The following VDAC2 variants were observed in gnomAD, a reference collection of about 807,000 sequenced individuals.
VDAC2 encodes voltage dependent anion channel 2.
A neutral mutation model predicts 36.6 loss-of-function variants in VDAC2; 6 were observed. The ratio of observed to expected loss-of-function variants is 0.16; its 90% confidence interval spans 0.09 to 0.32. The LOEUF (loss-of-function observed/expected upper bound fraction) is 0.32, where lower values mean the gene tolerates loss of function less well. Ranked by LOEUF, VDAC2 falls within the 10% of genes least tolerant of loss-of-function variation. VDAC2 has a pLI of 1.00. For synonymous variants in VDAC2, 109 were observed against 123.8 expected (o/e 0.88, Z 0.79); for missense variants, 247 against 346.0 (o/e 0.71, Z 2.27).
intron 9 of VDAC2, among the ~76,000 whole-genome samples, chr10:75,230,111 T>C (rs755164651): frequency 3.9e-5 from 6 of 152,226 alleles, no homozygotes; most frequent in Non-Finnish European, 8.8e-5. Flanking sequence ...CTTTATATAA[T>C]ATTTTGAAGC....
intron 8 of VDAC2, 130 bp from the exon 9 acceptor site, chr10:75,229,514 C>T: frequency 1.5e-6 from 1 of 672,574 alleles, no homozygotes; most frequent in South Asian, 2.3e-5. Context: ...TGGCTTAATA[C>T]ATAATATTGA....
At chr10:75,214,817 G>T (rs1284927099) in intron 4 of VDAC2, among the ~76,000 whole-genome samples, 3 of 152,160 alleles carry the variant, frequency 2.0e-5, no homozygotes, top group African/African-American at 7.2e-5. Context: ...GAGTCACCAT[G>T]CCCAGCCAAG....
At chr10:75,217,236 G>A (rs150307151) in intron 4 of VDAC2, among the ~76,000 whole-genome samples, 4 of 152,262 alleles carry the variant, frequency 2.6e-5, no homozygotes, top group East Asian at 1.9e-4. Flanking sequence ...CAACCTGGGC[G>A]ACAGAGTGAG....
At position 75,220,977 on chromosome 10, in the gene VDAC2, A is replaced by G. The variant is rs879310958; in HGVS notation, c.584+7A>G. On this transcript the variant is annotated splice_region_variant and intron_variant, in intron 7 of 9. Transcript: ENST00000332211. ...TCCAGCTACACACTAATGTGTAAGTATTTCTTTCATAGGATACTGTGATGT... is the reference window on the plus strand; with the variant it reads ...TCCAGCTACACACTAATGTGTAAGTGTTTCTTTCATAGGATACTGTGATGT... 1.7e-5 allele frequency: 27 copies of G among 1,609,718 alleles called. No individual in the cohort carries two copies. Among genetic ancestry groups the G allele is most frequent in the East Asian group, 2.2e-5 (1 of 44,802 alleles).
intron 8 of VDAC2, among the ~76,000 whole-genome samples, chr10:75,223,067 G>A (rs986337453): frequency 1.1e-4 from 16 of 149,076 alleles, no homozygotes; most frequent in Middle Eastern, 3.5e-3. Context: ...TGCAACCTCC[G>A]CCTCCTGGGT....
Position 75,224,047 on chromosome 10 carries a change from A to C in VDAC2, c.735+1645A>C, listed in dbSNP as rs4746276. Among the ~76,000 whole-genome samples the C allele has an allele frequency of 1.1e-3, 174 of 152,318 alleles. No homozygotes were observed. The East Asian group carries it at 0.012, about 11-fold the overall frequency. ...TTTCTTGAGTTCTGTGACCTGCTCT[A>C]GGAGATTAATTGAACCCAAGAAGGG... On this transcript the variant is annotated intron_variant, in intron 8 of 9. Coordinates refer to ENST00000332211, the MANE Select transcript of VDAC2 (RefSeq NM_001391963.1).
At chr10:75,216,646 C>G (rs1841614505) in intron 4 of VDAC2, among the ~76,000 whole-genome samples, 1 of 152,172 alleles carries the variant, frequency 6.6e-6, no homozygotes, top group Admixed American at 6.5e-5. Context: ...TGGCCCAACT[C>G]TGGTCCCACA....
intron 5 of VDAC2, 22 bp downstream of exon 5, chr10:75,219,237 TATTA>T (rs1167649758): frequency 1.2e-5 from 19 of 1,552,270 alleles, no homozygotes; most frequent in Middle Eastern, 4.2e-4. Flanking sequence ...AAAATTTTAG[TATTA>T]ATTTTATTAA....
Position 75,214,152 on chromosome 10 carries a change from C to G in VDAC2, c.150+82C>G, listed in dbSNP as rs1444372568. The G allele has an allele frequency of 7.0e-6, 10 of 1,427,118 alleles. No individual in the cohort carries two copies. In the East Asian group the frequency reaches 1.9e-4, roughly 27 times the overall value. 88.4% of individuals were successfully genotyped at this position (1,427,118 alleles called of 1,614,324 possible). On this transcript the variant is annotated intron_variant, in intron 4 of 9. Coordinates refer to ENST00000332211, the MANE Select transcript of VDAC2 (RefSeq NM_001391963.1). ...AATGGTCATAACTGAAAGATGTCTA[C>G]CTGTTTTGTCTTAAAGAAGAGGCAG...
chr10:75,220,956 G>C lies in VDAC2; in HGVS notation c.570G>C (p.Gln190His). The change falls in exon 7 of 10, where the codon CAG (glutamine) becomes CAC (histidine). Residue 190 changes from glutamine (Q) to histidine (H), a missense_variant. This residue lies in a region of VDAC2 where 159 missense variants were observed against 234.0 expected (regional missense o/e 0.68). Transcript: ENST00000332211. The stretch of plus-strand genomic sequence containing the variant: ...TGGGCTACAGGACTGGGGACTTCCA[G>C]CTACACACTAATGTGTAAGTATTTC... ...FAVGYRTGDF[Q>H]LHTNVNDGTE... The C allele has an allele frequency of 6.2e-7, 1 of 1,612,570 alleles. No individual in the cohort carries two copies.
At chr10:75,213,020 T>C (rs1841477011) in intron 3 of VDAC2, among the ~76,000 whole-genome samples, 1 of 152,206 alleles carries the variant, frequency 6.6e-6, no homozygotes, top group Non-Finnish European at 1.5e-5. Context: ...TTATTTAGAC[T>C]GTTGGAAATA....
chr10:75,211,384 G>T (rs1564707891), intron 2 of VDAC2, 195 bp downstream of exon 2: 8 of 1,404,540 alleles, frequency 5.7e-6, no homozygotes, highest in Non-Finnish European at 5.7e-6. Flanking sequence ...AACAAGGCCC[G>T]GGGAGTTGGT....
rs1348913418 is a variant in VDAC2, at chr10:75,230,851, C to T, written c.794-47C>T. On this transcript the variant is annotated intron_variant, in intron 9 of 9. Coordinates refer to ENST00000332211, the MANE Select transcript of VDAC2 (RefSeq NM_001391963.1). ...AAGAAGGCCCAGACTGAGTGACGTGCCAGGTACATCACGGTTTTTTGTTTT... is the reference window on the plus strand; with the variant it reads ...AAGAAGGCCCAGACTGAGTGACGTGTCAGGTACATCACGGTTTTTTGTTTT... 2.0e-6 allele frequency: 3 copies of T among 1,529,292 alleles called. No individual in the cohort carries two copies. In the South Asian group the frequency reaches 3.5e-5, roughly 18 times the overall value. 94.7% of individuals were successfully genotyped at this position (1,529,292 alleles called of 1,614,324 possible).
chr10:75,210,391 C>T (rs1413192752), upstream of VDAC2, among the ~76,000 whole-genome samples: 4 of 152,104 alleles, frequency 2.6e-5, no homozygotes, highest in Non-Finnish European at 4.4e-5. Flanking sequence ...GGCTTTGTTT[C>T]GGGGGGGAAC....
At chr10:75,210,729 A>G (rs1841378398), upstream of VDAC2, 1 of 160,028 alleles carries the variant, frequency 6.2e-6, no homozygotes, top group South Asian at 2.0e-4. Flanking sequence ...TGGAGTTGGC[A>G]GCGGGCTGCG....
At chr10:75,222,996 CTTTTT>C (rs1183792566) in intron 8 of VDAC2, among the ~76,000 whole-genome samples, 1 of 93,610 alleles carries the variant, frequency 1.1e-5, no homozygotes, top group Non-Finnish European at 2.3e-5. Flanking sequence ...TTTTTTTTTT[CTTTTT>C]TGAGATGGAG....
chr10:75,210,791 C>T (rs1369612448), upstream of VDAC2: 4 of 200,432 alleles, frequency 2.0e-5, 1 homozygote, highest in South Asian at 4.7e-4. Context: ...GGGGTCCTGT[C>T]TGGGAGAGGA....
At chr10:75,216,113 G>A (rs1417037302) in intron 4 of VDAC2, among the ~76,000 whole-genome samples, 1 of 151,972 alleles carries the variant, frequency 6.6e-6, no homozygotes, top group East Asian at 1.9e-4. Context: ...AGTTATGATT[G>A]GATGACTTAT....
At chr10:75,213,511 G>C (rs994923846) in intron 3 of VDAC2, among the ~76,000 whole-genome samples, 1 of 152,120 alleles carries the variant, frequency 6.6e-6, no homozygotes, top group Non-Finnish European at 1.5e-5. Flanking sequence ...TTGGGAGGCC[G>C]AGGCGGGCAG....
Sources: gnomAD v4.1 joint callset for allele counts (sites outside exome capture counted in the v4.1 genomes callset) on GRCh38, gnomAD v4.1.1 for gene constraint, gnomAD v4.1.1 regional missense constraint, MANE v1.5 for transcripts, NCBI Gene and HGNC (gene_info 2026-07-23, HGNC 2026-07-21) for gene names.